Variants in TECTA observed in about 807,000 individuals in gnomAD.
The protein encoded by TECTA is alpha-tectorin.
A neutral mutation model predicts 216.8 loss-of-function variants in TECTA; 128 were observed. That is an observed-to-expected ratio of 0.59 (90% CI 0.51 to 0.68). The LOEUF (loss-of-function observed/expected upper bound fraction) is 0.68. TECTA is among the 30% of genes least tolerant of loss of function. The pLI is 0.00. For synonymous variants in TECTA, 1,089 were observed against 1,117.1 expected, an observed-to-expected ratio of 0.97 and a Z score of 0.50; for missense variants, 2,551 against 2,786.2, an observed-to-expected ratio of 0.92 and a Z score of 1.90.
chr11:121,167,394 G>A (rs747377172), intron 18 of TECTA, among the ~76,000 whole-genome samples: 8 of 152,124 alleles, frequency 5.3e-5, no homozygotes, highest in South Asian at 4.1e-4. Context: ...AATGTACCAC[G>A]GCACTCCATC....
chr11:121,188,391 C>T (rs1947308753), intron 21 of TECTA, among the ~76,000 whole-genome samples: 2 of 152,208 alleles, frequency 1.3e-5, no homozygotes, highest in Admixed American at 6.5e-5. Context: ...GCCAGTTGGC[C>T]TGGTTGAGAA....
chr11:121,146,039 G>T lies in TECTA; in HGVS notation c.4028G>T (p.Ser1343Ile). ...GGGGGCGCGGTGCAGACCGCCTGCA[G>T]CTGGCTGCAGAACTACGCCAGCACC... ...IDGGAVQTAC[S>I]WLQNYASTCQ... is the part of the protein sequence containing the mutation. Residue 1343 changes from serine (S) to isoleucine (I), a missense_variant, in exon 12 of 24, where the codon AGC becomes ATC. Physicochemically the swap from Ser to Ile is moderately radical, Grantham distance 142. This residue lies in a region of TECTA where 2,375 missense variants were observed against 2,563.9 expected (regional missense o/e 0.93). Transcript: ENST00000392793. The T allele has an allele frequency of 6.2e-7, 1 of 1,613,858 alleles. No homozygotes were observed. Among genetic ancestry groups the T allele is most frequent in the Non-Finnish European group, 8.5e-7 (1 of 1,180,048 alleles).
chr11:121,149,471 A>G (rs1946869365), intron 12 of TECTA, among the ~76,000 whole-genome samples: 2 of 152,226 alleles, frequency 1.3e-5, no homozygotes, highest in African/African-American at 4.8e-5. Context: ...AGAAGTTATT[A>G]TAGAAGTACC....
intron 20 of TECTA, among the ~76,000 whole-genome samples, chr11:121,180,226 C>T (rs1391768251): frequency 6.6e-6 from 1 of 152,016 alleles, no homozygotes; most frequent in East Asian, 1.9e-4. Context: ...ATTGAGTTTA[C>T]ACTTTTGTGT....
intron 22 of TECTA, among the ~76,000 whole-genome samples, chr11:121,189,528 C>G (rs570102831): frequency 2.0e-5 from 3 of 152,256 alleles, no homozygotes; most frequent in Non-Finnish European, 4.4e-5. Context: ...TGCCCGCCCC[C>G]ACGCCCGGCT....
chr11:121,157,788 TC>T, intron 13 of TECTA, 52 bp from the exon 14 acceptor site: 1 of 1,611,708 alleles, frequency 6.2e-7, no homozygotes, highest in South Asian at 1.1e-5. Flanking sequence ...GGCTTTCGGG[TC>T]CCCAGCCCTG....
chr11:121,103,627 T>G (rs1175000316), intron 2 of TECTA, among the ~76,000 whole-genome samples: 1 of 152,128 alleles, frequency 6.6e-6, no homozygotes, highest in Non-Finnish European at 1.5e-5. Context: ...TGTGAAATTC[T>G]CAGCTTAGGG....
At chr11:121,157,783 T>G in intron 13 of TECTA, 58 bp from the exon 14 acceptor site, 1 of 1,611,470 alleles carries the variant, frequency 6.2e-7, no homozygotes, top group Non-Finnish European at 8.5e-7. Context: ...GACTGGGCTT[T>G]CGGGTCCCCA....
At chr11:121,188,130 G>C in intron 21 of TECTA, 136 bp downstream of exon 21, 2 of 876,420 alleles carry the variant, frequency 2.3e-6, no homozygotes, top group South Asian at 3.2e-5. Flanking sequence ...ATCTTTGATG[G>C]GACAGTGAGA....
intron 16 of TECTA, among the ~76,000 whole-genome samples, chr11:121,164,757 T>A (rs944787400): frequency 6.6e-6 from 1 of 152,154 alleles, no homozygotes; most frequent in Admixed American, 6.5e-5. Context: ...AGCCCTGGTG[T>A]GGGAGACCTC....
intron 12 of TECTA, among the ~76,000 whole-genome samples, chr11:121,147,578 A>G (rs1259864702): frequency 6.6e-6 from 1 of 152,192 alleles, no homozygotes; most frequent in African/African-American, 2.4e-5. Context: ...GGTCTGGATA[A>G]ATCCCCAGGG....
intron 20 of TECTA, among the ~76,000 whole-genome samples, chr11:121,171,019 G>T (rs1312235907): frequency 1.3e-5 from 2 of 152,012 alleles, no homozygotes. Context: ...TAATGATGAA[G>T]CATGTTCACT....
At chr11:121,122,870 G>A (rs1946572858) in intron 7 of TECTA, among the ~76,000 whole-genome samples, 1 of 149,592 alleles carries the variant, frequency 6.7e-6, no homozygotes. Flanking sequence ...AAAAAAAATG[G>A]TAGCAGCTTT....
intron 7 of TECTA, among the ~76,000 whole-genome samples, chr11:121,121,064 C>T (rs544276078): frequency 1.3e-5 from 2 of 152,164 alleles, no homozygotes; most frequent in Non-Finnish European, 2.9e-5. Context: ...CTTTGGAGCT[C>T]GACTAGGAGG....
chr11:121,191,027 C>G lies in TECTA; in HGVS notation c.*221C>G. On this transcript the variant is annotated 3_prime_UTR_variant, in exon 24 of 24. Coordinates refer to ENST00000392793, the MANE Select transcript of TECTA (RefSeq NM_005422.4). ...TCTACAAGCCAGTTATGGAAAGTAT[C>G]TCTCTTGTGTAAAATTCCCAAACAG... is the stretch of plus-strand genomic sequence containing the variant. 4.3e-6 allele frequency: 2 copies of G among 461,672 alleles called. No homozygotes were observed. Among genetic ancestry groups the G allele is most frequent in the East Asian group, 8.7e-5 (2 of 22,932 alleles). 28.6% of individuals were successfully genotyped at this position (461,672 alleles called of 1,614,324 possible).
Position 121,154,182 on chromosome 11 carries a change from G to A in TECTA, c.4305+1102G>A, listed in dbSNP as rs115752154. Among the ~76,000 whole-genome samples, 1,327 of 152,276 alleles carry A rather than the reference G, an allele frequency of 8.7e-3. 24 individuals are homozygous for A. Among genetic ancestry groups the A allele is most frequent in the African/African-American group, 0.03 (1,256 of 41,556 alleles). On this transcript the variant is annotated intron_variant, in intron 13 of 23. Coordinates refer to ENST00000392793, the MANE Select transcript of TECTA (RefSeq NM_005422.4). The stretch of plus-strand genomic sequence containing the variant: ...TAAATCTAATTGAAATGTCTGAATT[G>A]GAAATCAGCTAGGCGAAAAATAAAT...
rs1478643123 is a variant in TECTA, at chr11:121,165,320, A to T, written c.5320A>T (p.Thr1774Ser). Residue 1774 changes from threonine to serine, a missense_variant, in exon 17 of 24, where the codon ACT becomes TCT. Around this residue, in one of 3 missense-constraint regions of TECTA, gnomAD observed 2,375 missense variants for 2,563.9 expected, o/e 0.93. Transcript: ENST00000392793. ...TGTGGGGGCGGACTGTCCCAACCGA[A>T]CTTGCGAGCTGGGCAATGGCAGGGA... is the stretch of plus-strand genomic sequence containing the variant. ...PCVGADCPNR[T>S]CELGNGRELC... 10 of 1,608,836 alleles carry T rather than the reference A, an allele frequency of 6.2e-6. No homozygotes were observed. The highest frequency in any genetic ancestry group is 5.0e-5 in the Admixed American group (3 of 59,442).
At position 121,137,964 on chromosome 11, in the gene TECTA, A is replaced by G; in HGVS notation, c.3485A>G (p.Asp1162Gly). Residue 1162 changes from aspartate (D) to glycine (G), a missense_variant, in exon 11 of 24, where the codon GAC becomes GGC. Coordinates refer to ENST00000392793, the MANE Select transcript of TECTA (RefSeq NM_005422.4). ...CTGGCCTTGTGGGTTAAGCAGGTGG[A>G]CGTGACCGTGTTTGGCTACAGCATC... ...PSLALWVKQV[D>G]VTVFGYSIVI... 1 of 1,613,084 alleles carries G rather than the reference A, an allele frequency of 6.2e-7. No homozygotes were observed. Among genetic ancestry groups the G allele is most frequent in the African/African-American group, 1.3e-5 (1 of 75,012 alleles).
At chr11:121,121,801 G>A (rs1292493672) in intron 7 of TECTA, among the ~76,000 whole-genome samples, 1 of 152,160 alleles carries the variant, frequency 6.6e-6, no homozygotes, top group Non-Finnish European at 1.5e-5. Context: ...TTAAGTAAGA[G>A]CAGAGGAGCC....
Sources: allele counts gnomAD v4.1 joint callset (sites outside exome capture counted in the v4.1 genomes callset), GRCh38; gene constraint gnomAD v4.1.1; regional missense constraint gnomAD v4.1.1; transcripts MANE v1.5; gene names NCBI Gene and HGNC (gene_info 2026-07-23, HGNC 2026-07-21).